TPRA1: variants seen among roughly 807,000 people sequenced by gnomAD.
TPRA1 encodes the protein transmembrane protein adipocyte associated 1.
A neutral mutation model predicts 40.1 loss-of-function variants in TPRA1; 28 were observed. The ratio of observed to expected loss-of-function variants is 0.70; its 90% CI spans 0.52 to 0.96. The LOEUF is 0.96. Among genes scored for constraint, TPRA1 ranks in the 40% least tolerant of loss-of-function variants. TPRA1 has a pLI of 0.00. For missense variants in TPRA1, 441 were observed against 482.6 expected, an observed-to-expected ratio of 0.91 and a Z score of 0.81; for synonymous variants, 219 against 209.7, an observed-to-expected ratio of 1.04 and a Z score of -0.38.
In TPRA1 at chr3:127,573,276, C is replaced by G. The variant is rs2073432865; in HGVS notation, c.*245G>C. On this transcript the variant is annotated 3_prime_UTR_variant, in exon 11 of 11. Transcript: ENST00000355552. The stretch of plus-strand genomic sequence containing the variant: ...GCCAAGCATGGCCCTGGAAGGAAAG[C>G]CTGGGCCATGTCACTGAGCAGTATG... 6.5e-6 allele frequency: 3 copies of G among 462,460 alleles called. No individual in the cohort carries two copies. The highest frequency in any genetic ancestry group is 1.1e-5 in the Non-Finnish European group (3 of 264,284). The allele number at this position is 462,460 out of a possible 1,614,324, so 28.6% of individuals were successfully genotyped here.
Position 127,572,679 on chromosome 3 carries a change from T to G in TPRA1, c.*842A>C, listed in dbSNP as rs1265290002. 6.6e-6 allele frequency among the ~76,000 whole-genome samples: 1 copy of G among 152,212 alleles called. No homozygotes were observed. Among genetic ancestry groups the G allele is most frequent in the Non-Finnish European group, 1.5e-5 (1 of 68,044 alleles). On this transcript the variant is annotated 3_prime_UTR_variant, in exon 11 of 11. Transcript: ENST00000355552. ...ACTCGTGCTTAGTGTTTTCCAATCCTTACAAAAGGCCCTGCAGGATGGGTC... is the reference window on the plus strand; with the variant it reads ...ACTCGTGCTTAGTGTTTTCCAATCCGTACAAAAGGCCCTGCAGGATGGGTC...
exon 1 of TPRA1, chr3:127,598,134 GGTGTGACCGAGGTCACGCAGCCA>G (rs1428752998): frequency 6.7e-6 from 3 of 444,516 alleles, no homozygotes; most frequent in African/African-American, 2.1e-5. Flanking sequence ...AAATGGCCCT[GGTGTGACCGAGGTCACGCAGCCA>G]GCAAGTGTCG....
At chr3:127,579,893 C>G in intron 2 of TPRA1, 21 bp from the exon 3 acceptor site, 2 of 1,612,428 alleles carry the variant, frequency 1.2e-6, no homozygotes, top group South Asian at 2.2e-5. Context: ...GGCACAGGAG[C>G]TGGCTCACTG....
chr3:127,575,344 C>CA, intron 9 of TPRA1, 59 bp downstream of exon 9: 1 of 1,575,690 alleles, frequency 6.3e-7, no homozygotes, highest in Non-Finnish European at 8.6e-7. Context: ...AGCGGGTGGA[C>CA]ACCCTGCCGC....
In TPRA1 at chr3:127,581,871, G is replaced by A. The variant is rs1291011609; in HGVS notation, c.-17-1708C>T. ...CAGGTGGCGGAGCTTGCAGTGAGCC[G>A]AGATGGTGCCACTGTGCTCCAGCCT... On this transcript the variant is annotated intron_variant, in intron 1 of 10. Coordinates refer to ENST00000355552, the MANE Select transcript of TPRA1 (RefSeq NM_001136053.4). 8.6e-5 allele frequency among the ~76,000 whole-genome samples: 13 copies of A among 150,962 alleles called. No homozygotes were observed. The South Asian group carries it at 2.5e-3, about 29-fold the overall frequency.
chr3:127,590,201 G>A (rs1309935108), intron 1 of TPRA1, among the ~76,000 whole-genome samples: 1 of 152,150 alleles, frequency 6.6e-6, no homozygotes, highest in Non-Finnish European at 1.5e-5. Context: ...CGCCCCGAGC[G>A]ACTCCCGACT....
At position 127,575,657 on chromosome 3, in the gene TPRA1, T is replaced by C; in HGVS notation, c.670+92A>G. The stretch of plus-strand genomic sequence containing the variant: ...CTCTCCAGCTCCCAGCCTGGAACTC[T>C]ACAGCTCCAGCTCCCAGCTACCAGC... On this transcript the variant is annotated intron_variant, in intron 8 of 10. Transcript: ENST00000355552. 5 of 1,548,678 alleles carry C rather than the reference T, an allele frequency of 3.2e-6. No individual in the cohort carries two copies. In the South Asian group the frequency reaches 5.6e-5, roughly 17 times the overall value.
chr3:127,580,715 G>A (rs974399334), intron 1 of TPRA1, among the ~76,000 whole-genome samples: 6 of 152,260 alleles, frequency 3.9e-5, no homozygotes, highest in African/African-American at 9.6e-5. Context: ...AGGCCACAGC[G>A]CTGCTGAGGG....
Position 127,580,751 on chromosome 3 carries a change from C to A in TPRA1, c.-17-588G>T, listed in dbSNP as rs562333331. Among the ~76,000 whole-genome samples the A allele has an allele frequency of 1.6e-4, 24 of 152,358 alleles. 2 individuals carry two copies. Among genetic ancestry groups the A allele is most frequent in the Admixed American group, 1.6e-3 (24 of 15,304 alleles). On this transcript the variant is annotated intron_variant, in intron 1 of 10. Transcript: ENST00000355552. ...CCAGAGCTGAGCACCATGCCCTCCT[C>A]GGTTGCACCCTCTGGCCCTTGTCTC... is the stretch of plus-strand genomic sequence containing the variant.
At chr3:127,598,062 TCCCAAAGTGCTGGGATTA>T (rs1240465689) in exon 1 of TPRA1, 1 of 297,902 alleles carries the variant, frequency 3.4e-6, no homozygotes, top group Non-Finnish European at 6.5e-6. Flanking sequence ...CACCTCGGCT[TCCCAAAGTGCTGGGATTA>T]CAGGCGTGAG....
chr3:127,593,144 G>C (rs2074206278), upstream of TPRA1, among the ~76,000 whole-genome samples: 1 of 152,208 alleles, frequency 6.6e-6, no homozygotes, highest in Non-Finnish European at 1.5e-5. Flanking sequence ...ATCTGCCTTT[G>C]AGAGCTGAGG....
intron 1 of TPRA1, among the ~76,000 whole-genome samples, chr3:127,589,620 T>C (rs2074106661): frequency 6.6e-6 from 1 of 152,108 alleles, no homozygotes; most frequent in Non-Finnish European, 1.5e-5. Flanking sequence ...CCTGCTTGCC[T>C]TCCACCTGCT....
rs765667220 is a variant in TPRA1, at chr3:127,580,124, G to A, written c.23C>T (p.Thr8Ile). 6.2e-7 allele frequency: 1 copy of A among 1,613,364 alleles called. No homozygotes were observed. Among genetic ancestry groups the A allele is most frequent in the Non-Finnish European group, 8.5e-7 (1 of 1,179,976 alleles). The change falls in exon 2 of 11, where the codon ACT (threonine) becomes ATT (isoleucine). Residue 8 changes from threonine to isoleucine, a missense_variant. Physicochemically the swap from Thr to Ile is moderately conservative, Grantham distance 89. Transcript: ENST00000355552. The stretch of plus-strand genomic sequence containing the variant: ...TAGCGCTGTGCTCCCATTGGCCCAA[G>A]TCACCTCCTCCAGGGTGTCCATCCC... MDTLEEV[T>I]WANGSTALPP...
Position 127,579,859 on chromosome 3 carries a change from C to A in TPRA1, c.139G>T (p.Asp47Tyr), listed in dbSNP as rs1354575402. 1 of 1,613,798 alleles carries A rather than the reference C, an allele frequency of 6.2e-7. No homozygotes were observed. Among genetic ancestry groups the A allele is most frequent in the Middle Eastern group, 1.7e-4 (1 of 6,054 alleles). The part of the protein sequence containing the change: ...DIGTSRVRYW[D>Y]LLLLIPNVLF... ...ACATTGGGGATGAGCAGCAAGAGGTCCCAGTACCGGACCCTGGCGGATGGG... is the reference window on the plus strand; with the variant it reads ...ACATTGGGGATGAGCAGCAAGAGGTACCAGTACCGGACCCTGGCGGATGGG... The change falls in exon 3 of 11, where the codon GAC becomes TAC. Residue 47 changes from aspartate (D) to tyrosine (Y), a missense_variant. Asp to Tyr is a radical substitution (Grantham distance 160). Transcript: ENST00000355552.
At chr3:127,578,171 CTG>C (rs1559837672) in intron 3 of TPRA1, among the ~76,000 whole-genome samples, 1 of 152,238 alleles carries the variant, frequency 6.6e-6, no homozygotes, top group East Asian at 1.9e-4. Flanking sequence ...CATATATACT[CTG>C]TCTTTTGTGC....
chr3:127,592,888 C>T (rs2074203261), upstream of TPRA1, among the ~76,000 whole-genome samples: 1 of 152,226 alleles, frequency 6.6e-6, no homozygotes, highest in African/African-American at 2.4e-5. Context: ...TAGGTGTCTT[C>T]CAGCCAGCTC....
At chr3:127,597,519 C>T (rs925125941) in intron 1 of TPRA1, among the ~76,000 whole-genome samples, 38 of 152,152 alleles carry the variant, frequency 2.5e-4, no homozygotes, top group Non-Finnish European at 7.3e-5. Flanking sequence ...GTCTGTTGCC[C>T]GGCATCATAA....
intron 1 of TPRA1, among the ~76,000 whole-genome samples, chr3:127,583,329 GAAAC>G (rs902662168): frequency 2.7e-5 from 4 of 149,308 alleles, no homozygotes; most frequent in Non-Finnish European, 5.9e-5. Flanking sequence ...AAAAAAAAAA[GAAAC>G]AAACAAACAC....
intron 1 of TPRA1, among the ~76,000 whole-genome samples, chr3:127,582,369 C>G (rs1222134428): frequency 6.6e-6 from 1 of 152,064 alleles, no homozygotes. Flanking sequence ...AGTTCCAGAC[C>G]AGCCTGGGCA....
Sources: gnomAD v4.1 joint callset for allele counts (sites outside exome capture counted in the v4.1 genomes callset) on GRCh38, gnomAD v4.1.1 for gene constraint, MANE v1.5 for transcripts, NCBI Gene and HGNC (gene_info 2026-07-23, HGNC 2026-07-21) for gene names.